RPA3: variants seen among roughly 807,000 people sequenced by gnomAD.
RPA3 encodes replication protein A3, also known as replication protein A 14 kDa subunit.
Under a neutral mutation model 13.7 loss-of-function variants are expected in RPA3, and 24 were observed. The observed-to-expected ratio is 1.75, with a 90% CI of 1.27 to 2.46. RPA3 has a LOEUF of 2.46. Among genes scored for constraint, RPA3 ranks in the 30% most tolerant of loss-of-function variants. RPA3 has a pLI of 0.00. For synonymous variants in RPA3, 59 were observed against 51.2 expected, an observed-to-expected ratio of 1.15 and a Z score of -0.65; for missense variants, 183 against 151.0, an observed-to-expected ratio of 1.21 and a Z score of -1.11.
At chr7:7,710,381 A>G (rs1321505528) in intron 2 of RPA3, among the ~76,000 whole-genome samples, 4 of 152,190 alleles carry the variant, frequency 2.6e-5, no homozygotes, top group African/African-American at 9.6e-5. Context: ...ACAAAAAAAC[A>G]TAAAACCAAA....
At chr7:7,712,652 C>T (rs1780795120) in intron 2 of RPA3, among the ~76,000 whole-genome samples, 1 of 152,136 alleles carries the variant, frequency 6.6e-6, no homozygotes, top group Admixed American at 6.5e-5. Flanking sequence ...CATTCAAATC[C>T]TTGTGGTTTC....
At chr7:7,650,047 A>G (rs1384905718) in intron 4 of RPA3, among the ~76,000 whole-genome samples, 1 of 152,220 alleles carries the variant, frequency 6.6e-6, no homozygotes, top group Non-Finnish European at 1.5e-5. Context: ...ATTTTGTTAT[A>G]GCAGCATGGA....
intron 2 of RPA3, among the ~76,000 whole-genome samples, chr7:7,709,543 C>T (rs949020101): frequency 8.5e-5 from 13 of 152,208 alleles, no homozygotes; most frequent in Admixed American, 6.5e-5. Flanking sequence ...AAAAGTCAGG[C>T]GCTGAGCCTG....
intron 2 of RPA3, among the ~76,000 whole-genome samples, chr7:7,698,877 T>G (rs1335134819): frequency 1.3e-5 from 2 of 151,452 alleles, no homozygotes; most frequent in Non-Finnish European, 2.9e-5. Context: ...TGTCTTTTTT[T>G]TTTTTTTTTT....
Position 7,667,278 on chromosome 7 carries a change from G to C in RPA3, c.-758+18552C>G, listed in dbSNP as rs140121646. On this transcript the variant is annotated intron_variant, in intron 4 of 7. Transcript: ENST00000223129. ...TTTCCTGTTTATAAATGTAAAATTT[G>C]CTCATTGTAGACAATTGAAAAAAAT... Among the ~76,000 whole-genome samples, 469 of 152,260 alleles carry C rather than the reference G, an allele frequency of 3.1e-3. 1 individual carries two copies. The highest frequency in any genetic ancestry group is 0.011 in the African/African-American group (455 of 41,552).
intron 4 of RPA3, chr7:7,641,509 AC>A (rs1309712375): frequency 2.6e-5 from 4 of 151,586 alleles, no homozygotes; most frequent in African/African-American, 7.3e-5. Context: ...AACAGTTTAA[AC>A]CCCCTCAGCA....
At chr7:7,643,427 A>C (rs1042576958) in intron 4 of RPA3, among the ~76,000 whole-genome samples, 2 of 152,200 alleles carry the variant, frequency 1.3e-5, no homozygotes, top group Non-Finnish European at 2.9e-5. Flanking sequence ...TCCTAGGATC[A>C]GGGCCGGGCG....
intron 2 of RPA3, among the ~76,000 whole-genome samples, chr7:7,706,127 G>T (rs1332422657): frequency 6.6e-6 from 1 of 152,124 alleles, no homozygotes; most frequent in Non-Finnish European, 1.5e-5. Context: ...AAAGAAAGTA[G>T]ATTATCTCAA....
At position 7,639,125 on chromosome 7, in the gene RPA3, A is replaced by AT; in HGVS notation, c.118dup (p.Met40AsnfsTer21). On this transcript the variant is annotated frameshift_variant, in exon 6 of 8. Transcript: ENST00000223129. LOFTEE classifies it high-confidence loss of function. ...TCCTTCTCCATCTGAAAGAATAAAC[A>AT]TTTTTCCGGTGGGATGAATCTAAAA... 6.2e-7 allele frequency: 1 copy of AT among 1,611,472 alleles called. No homozygotes were observed. Among genetic ancestry groups the AT allele is most frequent in the Admixed American group, 1.7e-5 (1 of 59,526 alleles).
chr7:7,701,367 G>T (rs946135526), intron 2 of RPA3, among the ~76,000 whole-genome samples: 1 of 151,876 alleles, frequency 6.6e-6, no homozygotes, highest in Non-Finnish European at 1.5e-5. Context: ...TTTGCTAGAA[G>T]AAAACAAAGC....
rs1346418418 is a variant in RPA3 at position 7,718,432 on chromosome 7, A to C, written c.-1080+83T>G. 3.3e-5 allele frequency: 5 copies of C among 152,238 alleles called. No individual in the cohort carries two copies. In the East Asian group the frequency reaches 9.6e-4, roughly 29 times the overall value. 9.4% of individuals were successfully genotyped at this position (152,238 alleles called of 1,614,324 possible). On this transcript the variant is annotated intron_variant, in intron 1 of 7. Transcript: ENST00000223129. ...AGTAAAAATGCATAATCTAAACTTG[A>C]CTATGTGTGTCTTCAAAATAATACC...
intron 4 of RPA3, among the ~76,000 whole-genome samples, chr7:7,675,099 A>C (rs1017115612): frequency 6.6e-6 from 1 of 152,174 alleles, no homozygotes; most frequent in African/African-American, 2.4e-5. Context: ...TCCTGGCCTC[A>C]AGCAATCTTC....
At chr7:7,643,620 G>GCAC (rs1172678481) in intron 4 of RPA3, among the ~76,000 whole-genome samples, 1 of 151,980 alleles carries the variant, frequency 6.6e-6, no homozygotes, top group Admixed American at 6.6e-5. Flanking sequence ...GCTGAGGCAG[G>GCAC]AGAATGGCGT....
In RPA3 at chr7:7,640,731, GA is replaced by G. The variant is rs917035970; in HGVS notation, c.-314del. 7.4e-5 allele frequency: 22 copies of G among 297,194 alleles called. No individual in the cohort carries two copies. The Admixed American group carries it at 8.9e-4, about 12-fold the overall frequency. 18.4% of individuals were successfully genotyped at this position (297,194 alleles called of 1,614,324 possible). On this transcript the variant is annotated 5_prime_UTR_variant, in exon 5 of 8. Transcript: ENST00000223129. ...GCGGAACCTGAGACTACCTTTCTGC[GA>G]TCACAGGATTCCCGGCGGTGACTTG... is the stretch of plus-strand genomic sequence containing the variant.
chr7:7,640,648 CGTCCCGGAA>C lies in RPA3; in HGVS notation c.-239_-231del. On this transcript the variant is annotated 5_prime_UTR_variant, in exon 5 of 8. Transcript: ENST00000223129. ...AGATTGGCTGCTTAGTGACGCGCGG[CGTCCCGGAA>C]GTTGACAGATACAGGGCGAGAGGCA... 1 of 535,596 alleles carries C rather than the reference CGTCCCGGAA, an allele frequency of 1.9e-6. No homozygotes were observed. Among genetic ancestry groups the C allele is most frequent in the Non-Finnish European group, 3.3e-6 (1 of 299,892 alleles). The allele number at this position is 535,596 out of a possible 1,614,324, so 33.2% of individuals were successfully genotyped here.
intron 4 of RPA3, among the ~76,000 whole-genome samples, chr7:7,642,123 A>C (rs1784987326): frequency 6.6e-6 from 1 of 152,104 alleles, no homozygotes; most frequent in Non-Finnish European, 1.5e-5. Flanking sequence ...GAGAGTACAC[A>C]CATCAATGTC....
intron 4 of RPA3, among the ~76,000 whole-genome samples, chr7:7,678,210 G>A (rs918961135): frequency 2.0e-5 from 3 of 151,726 alleles, no homozygotes; most frequent in African/African-American, 7.3e-5. Flanking sequence ...TGCCACCAGG[G>A]TATGAGGTCC....
chr7:7,660,115 A>T (rs992504134), intron 4 of RPA3, among the ~76,000 whole-genome samples: 29 of 152,214 alleles, frequency 1.9e-4, no homozygotes, highest in South Asian at 1.0e-3. Flanking sequence ...AGAGACTACG[A>T]TTGCAAACCC....
chr7:7,695,286 C>T (rs922828711), intron 2 of RPA3, among the ~76,000 whole-genome samples: 1 of 152,142 alleles, frequency 6.6e-6, no homozygotes, highest in African/African-American at 2.4e-5. Context: ...TTTTCCCCAC[C>T]ACAGTTTATC....
Sources: gnomAD v4.1 joint callset for allele counts (sites outside exome capture counted in the v4.1 genomes callset) on GRCh38, gnomAD v4.1.1 for gene constraint, MANE v1.5 for transcripts, NCBI Gene and HGNC (gene_info 2026-07-23, HGNC 2026-07-21) for gene names.